Variants in SLC25A48 observed in about 807,000 individuals in gnomAD.
SLC25A48 encodes CTC-321K16.1.
In SLC25A48, 29 loss-of-function variants were observed where a neutral mutation model predicts 32.2. The observed-to-expected ratio is 0.90, with a 90% CI of 0.67 to 1.23. The LOEUF is 1.23. SLC25A48 is among the 50% of genes most tolerant of loss of function. SLC25A48 has a pLI of 0.00. For missense variants in SLC25A48, 399 were observed against 422.7 expected, an observed-to-expected ratio of 0.94 and a Z score of 0.49; for synonymous variants, 164 against 172.3, an observed-to-expected ratio of 0.95 and a Z score of 0.38.
At chr5:135,821,866 C>T (rs1432307324) in intron 4 of SLC25A48, 2 of 152,252 alleles carry the variant, frequency 1.3e-5, no homozygotes, top group African/African-American at 4.8e-5. Flanking sequence ...CAGAGTTTGA[C>T]AATTAGGCTT....
intron 3 of SLC25A48, among the ~76,000 whole-genome samples, chr5:135,675,334 T>G (rs905013372): frequency 1.3e-5 from 2 of 152,048 alleles, no homozygotes; most frequent in Non-Finnish European, 2.9e-5. Context: ...GCAGAAGCTT[T>G]TTAGTTTACT....
intron 1 of SLC25A48, among the ~76,000 whole-genome samples, chr5:135,598,023 AAAAC>A (rs537451781): frequency 1.8e-4 from 26 of 147,078 alleles, no homozygotes; most frequent in Admixed American, 2.7e-4. Flanking sequence ...ATCAAACCAA[AAAAC>A]AAACAAACAA....
chr5:135,742,182 T>C (rs1755514855), intron 3 of SLC25A48, among the ~76,000 whole-genome samples: 1 of 152,170 alleles, frequency 6.6e-6, no homozygotes, highest in Non-Finnish European at 1.5e-5. Flanking sequence ...TGGGCTCCAG[T>C]GATTCTCATG....
chr5:135,708,671 A>G (rs1463768805), intron 3 of SLC25A48, among the ~76,000 whole-genome samples: 1 of 152,184 alleles, frequency 6.6e-6, no homozygotes, highest in East Asian at 1.9e-4. Context: ...TGTGGTGCCC[A>G]GAGACTGGGG....
intron 3 of SLC25A48, among the ~76,000 whole-genome samples, chr5:135,696,912 G>A (rs1205004618): frequency 6.6e-6 from 1 of 152,168 alleles, no homozygotes; most frequent in Non-Finnish European, 1.5e-5. Context: ...TGGGGATGAG[G>A]CATTGGACAA....
At chr5:135,857,852 C>T (rs1448474851) in intron 4 of SLC25A48, among the ~76,000 whole-genome samples, 1 of 152,088 alleles carries the variant, frequency 6.6e-6, no homozygotes, top group African/African-American at 2.4e-5. Flanking sequence ...ATATGGCCTA[C>T]CTGGGGACCT....
chr5:135,695,723 G>A (rs1238902908), intron 3 of SLC25A48, among the ~76,000 whole-genome samples: 1 of 152,180 alleles, frequency 6.6e-6, no homozygotes, highest in Non-Finnish European at 1.5e-5. Context: ...CCAGCCGGAG[G>A]ACAGAGGCTC....
At chr5:135,777,158 C>T (rs1756585771) in intron 3 of SLC25A48, among the ~76,000 whole-genome samples, 1 of 151,458 alleles carries the variant, frequency 6.6e-6, no homozygotes, top group Admixed American at 6.6e-5. Flanking sequence ...GAACTGTACA[C>T]ACCCCCCGTA....
chr5:135,716,721 G>A (rs1754808158), intron 3 of SLC25A48, among the ~76,000 whole-genome samples: 1 of 152,156 alleles, frequency 6.6e-6, no homozygotes, highest in Non-Finnish European at 1.5e-5. Context: ...GGTCGATTAG[G>A]GCAAGGCGTT....
intron 3 of SLC25A48, among the ~76,000 whole-genome samples, chr5:135,787,712 G>A (rs533399214): frequency 2.8e-4 from 42 of 151,626 alleles, no homozygotes; most frequent in South Asian, 1.0e-3. Flanking sequence ...GATATTATTC[G>A]TAACATTTTA....
chr5:135,695,064 G>A (rs1754234449), intron 3 of SLC25A48, among the ~76,000 whole-genome samples: 1 of 152,150 alleles, frequency 6.6e-6, no homozygotes, highest in Non-Finnish European at 1.5e-5. Flanking sequence ...GCTCCTCAAA[G>A]CACCAACCTT....
intron 3 of SLC25A48, among the ~76,000 whole-genome samples, chr5:135,787,192 CACAGTGGGT>C (rs1270992618): frequency 1.3e-5 from 2 of 152,058 alleles, no homozygotes; most frequent in Non-Finnish European, 2.9e-5. Flanking sequence ...CTTCCAAAAT[CACAGTGGGT>C]GTACAACAAA....
chr5:135,643,668 T>A (rs906975909), intron 3 of SLC25A48, among the ~76,000 whole-genome samples: 1 of 152,192 alleles, frequency 6.6e-6, no homozygotes, highest in Non-Finnish European at 1.5e-5. Flanking sequence ...CATCTCGTCA[T>A]GCCAGAAACC....
At chr5:135,788,126 G>A (rs1039023881) in intron 3 of SLC25A48, among the ~76,000 whole-genome samples, 4 of 151,864 alleles carry the variant, frequency 2.6e-5, no homozygotes, top group Non-Finnish European at 5.9e-5. Flanking sequence ...GTGGCGAGGG[G>A]TGTACATTCC....
chr5:135,743,461 G>C (rs1005958878), intron 3 of SLC25A48, among the ~76,000 whole-genome samples: 1 of 152,132 alleles, frequency 6.6e-6, no homozygotes, highest in Non-Finnish European at 1.5e-5. Flanking sequence ...ATGATACAGA[G>C]GACAGCCCCC....
At chr5:135,706,730 C>T (rs1472590729) in intron 3 of SLC25A48, among the ~76,000 whole-genome samples, 8 of 152,058 alleles carry the variant, frequency 5.3e-5, no homozygotes, top group South Asian at 4.2e-4. Flanking sequence ...GTAAGGGGCA[C>T]GGTCCCCTCC....
intron 3 of SLC25A48, among the ~76,000 whole-genome samples, chr5:135,706,904 C>G (rs1056831844): frequency 1.3e-5 from 2 of 152,174 alleles, no homozygotes. Flanking sequence ...CTTCATGGGA[C>G]AAATGGAATT....
intron 1 of SLC25A48, among the ~76,000 whole-genome samples, chr5:135,615,232 G>A (rs890694310): frequency 4.6e-5 from 7 of 152,214 alleles, no homozygotes; most frequent in African/African-American, 1.4e-4. Flanking sequence ...GGGCTCAGAA[G>A]AAAATAGGAA....
At chr5:135,595,176 C>T (rs1256913230) in intron 1 of SLC25A48, among the ~76,000 whole-genome samples, 1 of 152,190 alleles carries the variant, frequency 6.6e-6, no homozygotes, top group African/African-American at 2.4e-5. Context: ...ATTCTATGAA[C>T]CCCCCTCTCC....
Sources: gnomAD v4.1 joint callset for allele counts (sites outside exome capture counted in the v4.1 genomes callset) on GRCh38, gnomAD v4.1.1 for gene constraint, MANE v1.5 for transcripts, NCBI Gene and HGNC (gene_info 2026-07-23, HGNC 2026-07-21) for gene names.